ELF1: variants seen among roughly 807,000 people sequenced by gnomAD.
ELF1 encodes E74 like ETS transcription factor 1.
In ELF1, 24 loss-of-function variants were observed where a neutral mutation model predicts 59.9. That is an observed-to-expected ratio of 0.40 (90% CI 0.29 to 0.56). ELF1 has a LOEUF of 0.56. ELF1 is among the 20% of genes least tolerant of loss of function. ELF1 has a pLI of 0.44. For synonymous variants in ELF1, 248 were observed against 266.2 expected (o/e 0.93, Z 0.67); for missense variants, 627 against 742.2 (o/e 0.84, Z 1.80).
chr13:41,055,455 G>A (rs1032509213), intron 1 of ELF1, among the ~76,000 whole-genome samples: 2 of 151,144 alleles, frequency 1.3e-5, no homozygotes, highest in African/African-American at 4.9e-5. Context: ...GCCTCCTACA[G>A]GAGGCCTTTC....
intron 8 of ELF1, among the ~76,000 whole-genome samples, chr13:40,938,102 G>A (rs779315181): frequency 6.6e-6 from 1 of 152,150 alleles, no homozygotes; most frequent in Non-Finnish European, 1.5e-5. Flanking sequence ...CAGGTGTGAG[G>A]CACTGCACCT....
intron 2 of ELF1, among the ~76,000 whole-genome samples, chr13:40,978,841 T>C (rs956697590): frequency 2.6e-5 from 4 of 151,638 alleles, no homozygotes; most frequent in African/African-American, 7.3e-5. Flanking sequence ...AAATACACTA[T>C]TAGTAGTAGT....
upstream of ELF1, among the ~76,000 whole-genome samples, chr13:41,021,973 AG>A (rs1336947637): frequency 6.6e-6 from 1 of 152,216 alleles, no homozygotes; most frequent in Admixed American, 6.5e-5. Context: ...GGAATGCAAA[AG>A]TTTAGCCACT....
At chr13:41,003,829 TTTAAC>T (rs1213458385) in intron 1 of ELF1, among the ~76,000 whole-genome samples, 6 of 152,148 alleles carry the variant, frequency 3.9e-5, no homozygotes, top group Admixed American at 3.9e-4. Flanking sequence ...TATCTCCACT[TTTAAC>T]TAGGATGAAA....
At chr13:41,026,850 C>T (rs541794303) in intron 1 of ELF1, among the ~76,000 whole-genome samples, 1 of 152,314 alleles carries the variant, frequency 6.6e-6, no homozygotes, top group South Asian at 2.1e-4. Context: ...GGCCCAAATG[C>T]CCATGGTTCC....
intron 1 of ELF1, among the ~76,000 whole-genome samples, chr13:41,036,725 C>G (rs1161179317): frequency 1.3e-5 from 2 of 152,152 alleles, no homozygotes; most frequent in Non-Finnish European, 2.9e-5. Context: ...CAATGATAGA[C>G]TGGATTAAGA....
At chr13:41,052,184 C>T (rs1203433879) in intron 1 of ELF1, among the ~76,000 whole-genome samples, 2 of 152,240 alleles carry the variant, frequency 1.3e-5, no homozygotes, top group Middle Eastern at 6.8e-3. Context: ...AAGTGATCTG[C>T]CCACCTCAGC....
intron 1 of ELF1, among the ~76,000 whole-genome samples, chr13:41,011,452 CT>C (rs1398787391): frequency 2.0e-5 from 3 of 151,188 alleles, no homozygotes; most frequent in Non-Finnish European, 4.4e-5. Flanking sequence ...AGGCAGTTAA[CT>C]TTTTTTTTGA....
intron 1 of ELF1, among the ~76,000 whole-genome samples, chr13:41,018,385 G>T (rs1054956981): frequency 2.0e-5 from 3 of 152,082 alleles, no homozygotes; most frequent in African/African-American, 7.2e-5. Context: ...CAAATTTTAA[G>T]AACAGTAATA....
intron 1 of ELF1, among the ~76,000 whole-genome samples, chr13:41,045,502 T>C (rs546791527): frequency 2.0e-5 from 3 of 152,350 alleles, no homozygotes; most frequent in South Asian, 2.1e-4. Flanking sequence ...TTTGTTCTCA[T>C]TGGTTTCAAA....
Position 40,932,751 on chromosome 13 carries a change from C to T in ELF1, c.*674G>A, listed in dbSNP as rs960155226. The T allele has an allele frequency of 1.3e-5, 2 of 152,020 alleles. No homozygotes were observed. The highest frequency in any genetic ancestry group is 4.8e-5 in the African/African-American group (2 of 41,388). The allele number at this position is 152,020 out of a possible 1,614,324, so 9.4% of individuals were successfully genotyped here. ...AAAGTGGTGATCATCTAGTCTAATC[C>T]AATACATCTCTTCCTTTTATGAGAG... is the stretch of plus-strand genomic sequence containing the variant. On this transcript the variant is annotated 3_prime_UTR_variant, in exon 9 of 9. Transcript: ENST00000239882.
intron 2 of ELF1, among the ~76,000 whole-genome samples, chr13:40,960,655 C>T (rs1871759597): frequency 6.6e-6 from 1 of 152,154 alleles, no homozygotes; most frequent in Non-Finnish European, 1.5e-5. Flanking sequence ...CCAGGCTGGA[C>T]TCGAACTCCT....
chr13:41,006,512 C>T (rs1004243148), intron 1 of ELF1, among the ~76,000 whole-genome samples: 3 of 152,132 alleles, frequency 2.0e-5, no homozygotes, highest in African/African-American at 7.2e-5. Flanking sequence ...CCATCACCTA[C>T]CCAACAATCA....
intron 1 of ELF1, among the ~76,000 whole-genome samples, chr13:41,028,326 T>C (rs61300271): frequency 0.068 from 10,381 of 152,222 alleles, 759 homozygotes; most frequent in East Asian, 0.23. Flanking sequence ...AGGAGATCCC[T>C]TGGGGCATCT....
At chr13:40,999,826 A>G (rs574506690) in intron 1 of ELF1, among the ~76,000 whole-genome samples, 27 of 152,296 alleles carry the variant, frequency 1.8e-4, no homozygotes, top group East Asian at 1.7e-3. Flanking sequence ...AAATCACCTA[A>G]TTTACTCCAT....
intron 1 of ELF1, among the ~76,000 whole-genome samples, chr13:41,030,057 A>ATATATT (rs1318440649): frequency 1.3e-5 from 2 of 151,616 alleles, no homozygotes; most frequent in Non-Finnish European, 2.9e-5. Context: ...TACCATATAT[A>ATATATT]TATATTTATA....
chr13:40,951,950 T>G (rs1870883870), intron 3 of ELF1, among the ~76,000 whole-genome samples: 2 of 152,312 alleles, frequency 1.3e-5, no homozygotes, highest in East Asian at 1.9e-4. Context: ...AATGTTCAAT[T>G]GTGTTAAAAA....
At position 40,933,252 on chromosome 13, in the gene ELF1, C is replaced by A. The variant is rs1205068538; in HGVS notation, c.*173G>T. 1.3e-6 allele frequency: 1 copy of A among 779,018 alleles called. No homozygotes were observed. The highest frequency in any genetic ancestry group is 1.9e-6 in the Non-Finnish European group (1 of 516,022). The allele number at this position is 779,018 out of a possible 1,614,324, so 48.3% of individuals were successfully genotyped here. The stretch of plus-strand genomic sequence containing the variant: ...ATTGAATTCTGAAACATTTAGATAA[C>A]AAAGAGAAACAGTTGAGTTTTCCTC... On this transcript the variant is annotated 3_prime_UTR_variant, in exon 9 of 9. Coordinates refer to ENST00000239882, the MANE Select transcript of ELF1 (RefSeq NM_172373.4).
chr13:40,987,614 T>G (rs1358402350), intron 1 of ELF1, among the ~76,000 whole-genome samples: 6 of 142,498 alleles, frequency 4.2e-5, no homozygotes, highest in African/African-American at 1.6e-4. Context: ...AGAAAGAAAA[T>G]TAATAAAGAG....
Sources: gnomAD v4.1 joint callset for allele counts (sites outside exome capture counted in the v4.1 genomes callset) on GRCh38, gnomAD v4.1.1 for gene constraint, MANE v1.5 for transcripts, NCBI Gene and HGNC (gene_info 2026-07-23, HGNC 2026-07-21) for gene names.